ACSM3: variants seen among roughly 807,000 people sequenced by gnomAD.
The protein encoded by ACSM3 is acyl-coenzyme A synthetase ACSM3, mitochondrial.
A neutral mutation model predicts 74.1 loss-of-function variants in ACSM3; 61 were observed. The ratio of observed to expected loss-of-function variants is 0.82; its 90% confidence interval spans 0.67 to 1.02. The LOEUF (loss-of-function observed/expected upper bound fraction) is 1.02. Among genes scored for constraint, ACSM3 ranks in the 50% least tolerant of loss-of-function variants. The pLI is 0.00. For missense variants in ACSM3, 660 were observed against 697.0 expected (o/e 0.95, Z 0.60); for synonymous variants, 213 against 241.5 (o/e 0.88, Z 1.09).
intron 1 of ACSM3, among the ~76,000 whole-genome samples, chr16:20,768,801 C>G (rs1191442361): frequency 2.0e-5 from 3 of 152,314 alleles, no homozygotes; most frequent in Non-Finnish European, 2.9e-5. Flanking sequence ...TTTCCCCTCT[C>G]TGGGTCTCCA....
chr16:20,689,192 G>A lies in ACSM3; in HGVS notation c.-190+14370G>A, dbSNP rs79201770. On this transcript the variant is annotated intron_variant, in intron 1 of 3. Transcript: ENST00000561584. The stretch of plus-strand genomic sequence containing the variant: ...TGGCCTTATAATGTCATGGGAGTAG[G>A]GTTTTTGTATGTGATTAAAATTAAG... 5.2e-3 allele frequency among the ~76,000 whole-genome samples: 794 copies of A among 151,484 alleles called. 4 individuals carry two copies. The highest frequency in any genetic ancestry group is 8.0e-3 in the Non-Finnish European group (542 of 67,798).
intron 1 of ACSM3, among the ~76,000 whole-genome samples, chr16:20,731,202 T>G (rs2079828381): frequency 6.6e-6 from 1 of 152,156 alleles, no homozygotes; most frequent in Non-Finnish European, 1.5e-5. Context: ...TACACAGTCC[T>G]TCCTCCATTG....
chr16:20,769,843 A>G (rs1334274995), intron 1 of ACSM3, 141 bp from the exon 2 acceptor site: 1 of 597,868 alleles, frequency 1.7e-6, no homozygotes, highest in Non-Finnish European at 3.0e-6. Context: ...AACACTGAGC[A>G]CTGTGTTTGG....
At chr16:20,725,689 T>A (rs2079802408) in intron 1 of ACSM3, among the ~76,000 whole-genome samples, 2 of 152,138 alleles carry the variant, frequency 1.3e-5, no homozygotes, top group African/African-American at 4.8e-5. Flanking sequence ...AAAATGTCCC[T>A]AGGCTGGGCA....
At chr16:20,784,729 A>G in intron 7 of ACSM3, 1 of 191,038 alleles carries the variant, frequency 5.2e-6, no homozygotes, top group Non-Finnish European at 1.1e-5. Context: ...GGGTAAAGAA[A>G]AACTAGTATT....
In ACSM3 at chr16:20,742,721, G is replaced by A. The variant is rs1449550266; in HGVS notation, c.-189-7189G>A. ...CCCCTCCTCCTCTGTGCACGGACAA[G>A]TGGCTGACTCTGGAGCCCAGGCTGT... On this transcript the variant is annotated intron_variant, in intron 1 of 3. Coordinates refer to the ACSM3 transcript ENST00000561584. Among the ~76,000 whole-genome samples, 9 of 150,856 alleles carry A rather than the reference G, an allele frequency of 6.0e-5. No individual in the cohort carries two copies. The East Asian group carries it at 9.7e-4, about 16-fold the overall frequency.
At chr16:20,726,512 A>G (rs2079806672) in intron 1 of ACSM3, among the ~76,000 whole-genome samples, 1 of 152,188 alleles carries the variant, frequency 6.6e-6, no homozygotes, top group South Asian at 2.1e-4. Context: ...TTCAATAGTA[A>G]TTCAGGGACT....
chr16:20,730,166 G>A (rs969215057), intron 1 of ACSM3, among the ~76,000 whole-genome samples: 1 of 152,176 alleles, frequency 6.6e-6, no homozygotes, highest in African/African-American at 2.4e-5. Flanking sequence ...CACCAGAGAG[G>A]ATAGGGTAAT....
At chr16:20,690,204 C>T (rs532712547) in intron 1 of ACSM3, among the ~76,000 whole-genome samples, 5 of 152,166 alleles carry the variant, frequency 3.3e-5, no homozygotes, top group Non-Finnish European at 4.4e-5. Flanking sequence ...TATTAACTCT[C>T]CAATTCCATC....
chr16:20,796,775 A>T, intron 13 of ACSM3, 111 bp from the exon 14 acceptor site: 1 of 1,541,502 alleles, frequency 6.5e-7, no homozygotes. Flanking sequence ...AACCCATTCC[A>T]AAGACTATTC....
At chr16:20,743,437 T>C (rs1596495613) in intron 1 of ACSM3, among the ~76,000 whole-genome samples, 1 of 152,352 alleles carries the variant, frequency 6.6e-6, no homozygotes, top group African/African-American at 2.4e-5. Context: ...ATCATGTTAC[T>C]GTCTTTTTAA....
At position 20,777,446 on chromosome 16, in the gene ACSM3, A is replaced by C. The variant is rs370088701; in HGVS notation, c.504A>C (p.Ala168=). 4 of 1,614,058 alleles carry C rather than the reference A, an allele frequency of 2.5e-6. No homozygotes were observed. Among genetic ancestry groups the C allele is most frequent in the Non-Finnish European group, 3.4e-6 (4 of 1,180,004 alleles). ...TCTACAGACTACAATCTTCAAAAGC[A>C]AACTGCATTATCACCAATGATGTTT... is the stretch of plus-strand genomic sequence containing the variant. ...DILYRLQSSK[A]NCIITNDVLA... is the part of the protein sequence containing the mutation. Residue 168 remains alanine, a synonymous_variant, in exon 4 of 14, where the codon GCA becomes GCC. Coordinates refer to ENST00000289416, the MANE Select transcript of ACSM3 (RefSeq NM_005622.4).
chr16:20,737,143 C>T, intron 1 of ACSM3: 1 of 1,614,222 alleles, frequency 6.2e-7, no homozygotes, highest in Non-Finnish European at 8.5e-7. Flanking sequence ...CTCTTCACCA[C>T]CTCCTGGAGA....
chr16:20,772,678 G>T (rs529170362), intron 2 of ACSM3, among the ~76,000 whole-genome samples: 1 of 152,170 alleles, frequency 6.6e-6, no homozygotes, highest in Non-Finnish European at 1.5e-5. Flanking sequence ...TAAATGTGTG[G>T]GTTTAGTTCT....
chr16:20,749,600 A>G lies in ACSM3; in HGVS notation c.-189-310A>G, dbSNP rs116773939. 4.5e-3 allele frequency: 691 copies of G among 152,416 alleles called. 6 individuals carry two copies. The highest frequency in any genetic ancestry group is 0.015 in the African/African-American group (640 of 41,558). 9.4% of individuals were successfully genotyped at this position (152,416 alleles called of 1,614,324 possible). A position where few individuals can be genotyped will look rare whatever the true frequency, so the allele number is the denominator to read the frequency against. On this transcript the variant is annotated intron_variant, in intron 1 of 3. Transcript: ENST00000561584. The stretch of plus-strand genomic sequence containing the variant: ...GGCTGAGTGAGAAACTGAGCCAGAA[A>G]GAGAAGTAGAGACAGATGGCAAGGC...
chr16:20,691,082 C>A, intron 1 of ACSM3: 1 of 1,613,756 alleles, frequency 6.2e-7, no homozygotes. Context: ...TCTTGGGGCT[C>A]CAAATTCTGA....
At chr16:20,676,959 G>GA (rs1208345748) in intron 1 of ACSM3, among the ~76,000 whole-genome samples, 1 of 152,112 alleles carries the variant, frequency 6.6e-6, no homozygotes, top group Non-Finnish European at 1.5e-5. Context: ...TAAAGTGTCA[G>GA]AAAAAAGCTC....
At chr16:20,740,462 GC>G (rs971356906) in intron 1 of ACSM3, among the ~76,000 whole-genome samples, 2 of 152,170 alleles carry the variant, frequency 1.3e-5, no homozygotes, top group African/African-American at 2.4e-5. Context: ...CCAGCTCTCT[GC>G]CCCCTAGTGC....
chr16:20,756,978 T>C (rs1413343698), intron 3 of ACSM3, among the ~76,000 whole-genome samples: 2 of 152,012 alleles, frequency 1.3e-5, no homozygotes, highest in Admixed American at 1.3e-4. Flanking sequence ...GGCTCTGTTC[T>C]GTTCCATTGA....
Sources: allele counts gnomAD v4.1 joint callset (sites outside exome capture counted in the v4.1 genomes callset), GRCh38; gene constraint gnomAD v4.1.1; transcripts MANE v1.5; gene names NCBI Gene and HGNC (gene_info 2026-07-23, HGNC 2026-07-21).